Variants in ROBO2 observed in about 807,000 individuals in gnomAD.
ROBO2 encodes the protein roundabout homolog 2.
ROBO2 carries 53 observed loss-of-function variants against 160.8 expected under a neutral mutation model. The ratio of observed to expected loss-of-function variants is 0.33; its 90% CI spans 0.26 to 0.41. The LOEUF (loss-of-function observed/expected upper bound fraction) is 0.41. ROBO2 is among the 10% of genes least tolerant of loss of function. The pLI is 1.00. For synonymous variants in ROBO2, 664 were observed against 611.7 expected (o/e 1.09, Z -1.26); for missense variants, 1,577 against 1,722.4 (o/e 0.92, Z 1.49).
chr3:76,856,838 A>C (rs1309114342), intron 2 of ROBO2, among the ~76,000 whole-genome samples: 3 of 152,248 alleles, frequency 2.0e-5, no homozygotes, highest in Non-Finnish European at 4.4e-5. Context: ...GATTGCAAGA[A>C]TTATACTGTG....
At chr3:77,391,623 C>T (rs560112505) in intron 2 of ROBO2, among the ~76,000 whole-genome samples, 2 of 152,234 alleles carry the variant, frequency 1.3e-5, no homozygotes, top group Admixed American at 1.3e-4. Flanking sequence ...TCTCTTATGA[C>T]ACATGGAAAT....
intron 6 of ROBO2, 128 bp from the exon 7 acceptor site, chr3:77,527,275 G>T: frequency 1.9e-6 from 1 of 514,886 alleles, no homozygotes. Flanking sequence ...TACTTGAATT[G>T]TGAGACTAGA....
chr3:77,191,612 C>T (rs1236137116), intron 2 of ROBO2, among the ~76,000 whole-genome samples: 1 of 152,106 alleles, frequency 6.6e-6, no homozygotes, highest in Non-Finnish European at 1.5e-5. Context: ...TTTCATCTAA[C>T]TGGGCAAAGG....
At chr3:76,032,972 GA>G (rs2066976583) in intron 2 of ROBO2, among the ~76,000 whole-genome samples, 1 of 151,996 alleles carries the variant, frequency 6.6e-6, no homozygotes, top group South Asian at 2.1e-4. Context: ...TGCAATGTGT[GA>G]TATACTAAAG....
chr3:77,459,552 C>T (rs764437631), intron 2 of ROBO2, among the ~76,000 whole-genome samples: 6 of 152,092 alleles, frequency 3.9e-5, no homozygotes, highest in Non-Finnish European at 7.4e-5. Context: ...AGATAGATAA[C>T]GAACACAAAC....
At chr3:76,737,241 G>C (rs13081802) in intron 2 of ROBO2, among the ~76,000 whole-genome samples, 47,902 of 151,728 alleles carry the variant, frequency 0.32, 9,369 homozygotes, top group Non-Finnish European at 0.43. Context: ...TTATTTTATA[G>C]TAAGAAAGAG....
intron 2 of ROBO2, among the ~76,000 whole-genome samples, chr3:76,210,332 G>A (rs2107315354): frequency 6.6e-6 from 1 of 152,168 alleles, no homozygotes; most frequent in Non-Finnish European, 1.5e-5. Context: ...ATGAAGGAAA[G>A]CTAAAAAATC....
Position 76,686,363 on chromosome 3 carries a change from T to C in ROBO2, c.110-411651T>C, listed in dbSNP as rs529500846. Among the ~76,000 whole-genome samples the C allele has an allele frequency of 1.6e-4, 24 of 152,218 alleles. No homozygotes were observed. In the East Asian group the frequency reaches 4.6e-3, roughly 29 times the overall value. ...AAAGAAAAGTAATCTTCCTGCCAAA[T>C]CAATTTATTCAGATAAATTACTTAA... On this transcript the variant is annotated intron_variant, in intron 2 of 26. Coordinates refer to the ROBO2 transcript ENST00000487694.
chr3:77,105,833 A>C (rs1463561586), intron 2 of ROBO2, among the ~76,000 whole-genome samples: 2 of 152,236 alleles, frequency 1.3e-5, no homozygotes, highest in East Asian at 3.9e-4. Flanking sequence ...TTATTCCCAT[A>C]AACAGTATAA....
chr3:77,513,905 C>CT (rs1489076036), intron 5 of ROBO2, among the ~76,000 whole-genome samples: 1 of 151,770 alleles, frequency 6.6e-6, no homozygotes, highest in Non-Finnish European at 1.5e-5. Flanking sequence ...ATGGTGGGGA[C>CT]TGTCGGCACA....
intron 2 of ROBO2, among the ~76,000 whole-genome samples, chr3:76,039,124 G>T (rs149320116): frequency 2.6e-5 from 4 of 151,972 alleles, no homozygotes; most frequent in East Asian, 1.9e-4. Context: ...CTCCACAGGT[G>T]GGGGAAGTGG....
chr3:77,414,355 G>C (rs2077040812), intron 2 of ROBO2, among the ~76,000 whole-genome samples: 1 of 152,218 alleles, frequency 6.6e-6, no homozygotes, highest in Non-Finnish European at 1.5e-5. Flanking sequence ...AATGAGAGAA[G>C]AGACTGTGGA....
chr3:76,762,497 T>C (rs953454980), intron 2 of ROBO2, among the ~76,000 whole-genome samples: 3 of 150,404 alleles, frequency 2.0e-5, no homozygotes, highest in African/African-American at 7.3e-5. Flanking sequence ...GCAAGTAACA[T>C]TGAAAATATA....
chr3:77,518,464 G>A (rs1284508240), intron 5 of ROBO2, among the ~76,000 whole-genome samples: 1 of 151,502 alleles, frequency 6.6e-6, no homozygotes, highest in Non-Finnish European at 1.5e-5. Flanking sequence ...AAGTCTGTTT[G>A]TTTTTAAATT....
chr3:76,236,951 G>A (rs1340207179), intron 2 of ROBO2, among the ~76,000 whole-genome samples: 2 of 152,002 alleles, frequency 1.3e-5, no homozygotes, highest in Middle Eastern at 3.4e-3. Context: ...CATTTTATGA[G>A]TTAAATTACC....
At chr3:77,342,320 G>A (rs1396390676) in intron 2 of ROBO2, among the ~76,000 whole-genome samples, 3 of 152,130 alleles carry the variant, frequency 2.0e-5, no homozygotes, top group Middle Eastern at 3.2e-3. Flanking sequence ...TTAAAGTCTC[G>A]AAAGCGTAAG....
chr3:76,647,094 G>A (rs1444385498), intron 2 of ROBO2, among the ~76,000 whole-genome samples: 1 of 152,198 alleles, frequency 6.6e-6, no homozygotes, highest in Non-Finnish European at 1.5e-5. Context: ...ACTCAGAGGA[G>A]GCTGCGTTGC....
At chr3:77,609,190 T>A (rs980691248) in intron 21 of ROBO2, among the ~76,000 whole-genome samples, 1 of 152,048 alleles carries the variant, frequency 6.6e-6, no homozygotes, top group Non-Finnish European at 1.5e-5. Flanking sequence ...TTATTATATA[T>A]GCATATATTG....
chr3:77,603,373 T>C (rs2094467916), intron 20 of ROBO2, among the ~76,000 whole-genome samples: 2 of 152,146 alleles, frequency 1.3e-5, no homozygotes, highest in African/African-American at 4.8e-5. Flanking sequence ...GTCAATTCCA[T>C]GTTATAGATA....
Sources: allele counts gnomAD v4.1 joint callset (sites outside exome capture counted in the v4.1 genomes callset), GRCh38; gene constraint gnomAD v4.1.1; transcripts MANE v1.5; gene names NCBI Gene and HGNC (gene_info 2026-07-23, HGNC 2026-07-21).